GPC5: variants seen among roughly 807,000 people sequenced by gnomAD.
The protein encoded by GPC5 is glypican 5.
A neutral mutation model predicts 53.9 loss-of-function variants in GPC5; 47 were observed. The observed-to-expected ratio is 0.87, with a 90% confidence interval of 0.69 to 1.11. GPC5 has a LOEUF of 1.11. GPC5 is among the 50% of genes most tolerant of loss of function. The probability of loss-of-function intolerance (pLI) is 0.00; values close to 1 mark genes in which losing one functional copy is unlikely to be tolerated. For synonymous variants in GPC5, 286 were observed against 263.3 expected (o/e 1.09, Z -0.84); for missense variants, 748 against 713.1 (o/e 1.05, Z -0.56).
At chr13:91,683,187 CAA>C (rs2035547571) in intron 2 of GPC5, among the ~76,000 whole-genome samples, 3 of 151,944 alleles carry the variant, frequency 2.0e-5, no homozygotes, top group Non-Finnish European at 4.4e-5. Context: ...ACGCAGAAGA[CAA>C]TGTGAGATTA....
chr13:91,873,626 C>T (rs1330173404), intron 5 of GPC5, among the ~76,000 whole-genome samples: 1 of 152,172 alleles, frequency 6.6e-6, no homozygotes, highest in Non-Finnish European at 1.5e-5. Flanking sequence ...CCATGTGGAA[C>T]TGTGAGACCT....
intron 5 of GPC5, among the ~76,000 whole-genome samples, chr13:91,856,717 T>C (rs1379321467): frequency 1.3e-5 from 2 of 151,404 alleles, no homozygotes; most frequent in South Asian, 4.1e-4. Context: ...GAATATCTTA[T>C]CCTAGTCTGC....
At chr13:91,717,896 G>A (rs1177127893) in intron 3 of GPC5, among the ~76,000 whole-genome samples, 4 of 151,982 alleles carry the variant, frequency 2.6e-5, no homozygotes, top group Admixed American at 2.6e-4. Flanking sequence ...TGTTTCTAGA[G>A]CATCTTCATA....
At chr13:92,207,095 C>G (rs1029101363) in intron 7 of GPC5, among the ~76,000 whole-genome samples, 2 of 152,126 alleles carry the variant, frequency 1.3e-5, no homozygotes, top group South Asian at 4.1e-4. Flanking sequence ...TAATTTTACC[C>G]AAACTTTTCT....
At chr13:92,474,325 A>T (rs1879019473) in intron 7 of GPC5, among the ~76,000 whole-genome samples, 6 of 152,040 alleles carry the variant, frequency 3.9e-5, no homozygotes, top group Admixed American at 3.9e-4. Flanking sequence ...AGCCAGACTG[A>T]GATGTGTAAC....
chr13:91,983,768 G>A (rs2040382366), intron 6 of GPC5, among the ~76,000 whole-genome samples: 1 of 152,152 alleles, frequency 6.6e-6, no homozygotes, highest in Admixed American at 6.5e-5. Context: ...CTGTCCAGGG[G>A]TGACATGGAT....
At chr13:91,644,470 C>T (rs926138478) in intron 2 of GPC5, among the ~76,000 whole-genome samples, 11 of 152,298 alleles carry the variant, frequency 7.2e-5, no homozygotes, top group African/African-American at 2.4e-4. Flanking sequence ...TATTACTTGG[C>T]ACCAGGTATT....
chr13:92,077,532 T>A (rs770684862), intron 6 of GPC5, among the ~76,000 whole-genome samples: 1 of 152,102 alleles, frequency 6.6e-6, no homozygotes, highest in Non-Finnish European at 1.5e-5. Context: ...TTTCCCAGAA[T>A]ACATGTCTCC....
intron 7 of GPC5, among the ~76,000 whole-genome samples, chr13:92,594,866 G>C (rs1465359524): frequency 6.6e-6 from 1 of 152,122 alleles, no homozygotes; most frequent in African/African-American, 2.4e-5. Context: ...ACTTCACCCA[G>C]TACATCTTAT....
intron 7 of GPC5, among the ~76,000 whole-genome samples, chr13:92,804,719 CA>C: frequency 6.6e-6 from 1 of 152,136 alleles, no homozygotes; most frequent in Non-Finnish European, 1.5e-5. Flanking sequence ...CTTCCTTTCA[CA>C]AAATATTTCT....
intron 7 of GPC5, among the ~76,000 whole-genome samples, chr13:92,245,589 C>T (rs1196605784): frequency 2.6e-5 from 4 of 151,988 alleles, no homozygotes; most frequent in Admixed American, 6.5e-5. Context: ...GGACATAATA[C>T]CTACTTATTT....
chr13:92,416,456 G>C (rs1448045064), intron 7 of GPC5, among the ~76,000 whole-genome samples: 7 of 152,146 alleles, frequency 4.6e-5, no homozygotes, highest in African/African-American at 1.7e-4. Context: ...CAAGAGCTAA[G>C]ACAAAGCAAT....
At chr13:91,973,609 T>C (rs1330691912) in intron 6 of GPC5, among the ~76,000 whole-genome samples, 2 of 152,234 alleles carry the variant, frequency 1.3e-5, no homozygotes, top group Non-Finnish European at 2.9e-5. Flanking sequence ...TATCTACTTT[T>C]GGTCTTTGAT....
At chr13:91,854,179 C>T (rs2038943356) in intron 5 of GPC5, among the ~76,000 whole-genome samples, 1 of 151,654 alleles carries the variant, frequency 6.6e-6, no homozygotes, top group Admixed American at 6.6e-5. Context: ...ATGAATAGTT[C>T]TGTAATCAGA....
chr13:92,347,853 A>ATATATATATAATATATAT (rs1566549560), intron 7 of GPC5, among the ~76,000 whole-genome samples: 6 of 13,994 alleles, frequency 4.3e-4, no homozygotes, highest in African/African-American at 3.0e-3. Context: ...GCTGTTTTAT[A>ATATATATATAATATATAT]CATATATATA....
chr13:91,476,550 A>G (rs1316848732), intron 2 of GPC5, among the ~76,000 whole-genome samples: 1 of 152,188 alleles, frequency 6.6e-6, no homozygotes, highest in East Asian at 1.9e-4. Context: ...CATATTGCTA[A>G]GGGCTAATAA....
intron 7 of GPC5, among the ~76,000 whole-genome samples, chr13:92,581,164 C>T (rs1049045724): frequency 1.3e-5 from 2 of 152,100 alleles, no homozygotes; most frequent in African/African-American, 4.8e-5. Flanking sequence ...TAACAGAGCT[C>T]TTGAACTTAC....
chr13:91,506,533 TA>T (rs1884954148), intron 2 of GPC5, among the ~76,000 whole-genome samples: 1 of 152,130 alleles, frequency 6.6e-6, no homozygotes, highest in African/African-American at 2.4e-5. Flanking sequence ...TGAAAGCATG[TA>T]AGATCTATAT....
chr13:92,627,219 G>A (rs1246267003), intron 7 of GPC5, among the ~76,000 whole-genome samples: 1 of 152,122 alleles, frequency 6.6e-6, no homozygotes, highest in Non-Finnish European at 1.5e-5. Flanking sequence ...TAACAGATTG[G>A]TTCCAGAAAG....
Sources: gnomAD v4.1 joint callset for allele counts (sites outside exome capture counted in the v4.1 genomes callset) on GRCh38, gnomAD v4.1.1 for gene constraint, MANE v1.5 for transcripts, NCBI Gene and HGNC (gene_info 2026-07-23, HGNC 2026-07-21) for gene names.